HDAC9: variants seen among roughly 807,000 people sequenced by gnomAD.
HDAC9 encodes MEF-2 interacting transcription repressor (MITR) protein.
HDAC9 carries 41 observed loss-of-function variants against 139.4 expected under a neutral mutation model. The ratio of observed to expected loss-of-function variants is 0.29; its 90% CI spans 0.23 to 0.38. The LOEUF is 0.38. Among genes scored for constraint, HDAC9 ranks in the 10% least tolerant of loss-of-function variants. HDAC9 has a pLI of 1.00. For synonymous variants in HDAC9, 517 were observed against 476.2 expected, an observed-to-expected ratio of 1.09 and a Z score of -1.12; for missense variants, 1,147 against 1,297.0, an observed-to-expected ratio of 0.88 and a Z score of 1.78.
intron 1 of HDAC9, among the ~76,000 whole-genome samples, chr7:18,303,272 T>C (rs1380720428): frequency 1.3e-5 from 2 of 151,944 alleles, no homozygotes; most frequent in Non-Finnish European, 2.9e-5. Context: ...GGCAGGAGTT[T>C]AGTGGCGCGA....
At chr7:18,419,190 GA>G in intron 1 of HDAC9, among the ~76,000 whole-genome samples, 1 of 152,162 alleles carries the variant, frequency 6.6e-6, no homozygotes, top group Non-Finnish European at 1.5e-5. Flanking sequence ...AAGGAAACAG[GA>G]ATTGATTTGG....
At chr7:18,696,712 C>T (rs1184427725) in intron 12 of HDAC9, among the ~76,000 whole-genome samples, 2 of 152,124 alleles carry the variant, frequency 1.3e-5, no homozygotes, top group African/African-American at 4.8e-5. Flanking sequence ...TTGTGATCAG[C>T]CCACCTCGGC....
chr7:18,499,080 ATG>A (rs55670527), intron 2 of HDAC9, among the ~76,000 whole-genome samples: 135,939 of 150,118 alleles, frequency 0.91, 61,506 homozygotes, highest in East Asian at 0.99. Context: ...TAGGGTGTGT[ATG>A]TGTGTGTGTG....
intron 1 of HDAC9, among the ~76,000 whole-genome samples, chr7:18,107,601 T>G (rs1163208416): frequency 6.6e-6 from 1 of 152,124 alleles, no homozygotes; most frequent in African/African-American, 2.4e-5. Context: ...AAAAGTGAGA[T>G]TTAAAACTTT....
At chr7:18,787,267 G>C (rs1017595327) in intron 16 of HDAC9, among the ~76,000 whole-genome samples, 1 of 152,078 alleles carries the variant, frequency 6.6e-6, no homozygotes, top group Admixed American at 6.6e-5. Context: ...CTAAAGTGGG[G>C]TTCTACTCAA....
chr7:18,596,060 ATAG>A (rs1340751217), intron 6 of HDAC9, among the ~76,000 whole-genome samples: 1 of 152,076 alleles, frequency 6.6e-6, no homozygotes, highest in African/African-American at 2.4e-5. Context: ...CTATATAATA[ATAG>A]TGAAAAATCC....
intron 1 of HDAC9, among the ~76,000 whole-genome samples, chr7:18,321,471 G>T (rs1330893714): frequency 2.0e-5 from 3 of 152,146 alleles, no homozygotes; most frequent in Non-Finnish European, 4.4e-5. Context: ...ATGCCTTTAT[G>T]TTGCTGAAGA....
At chr7:18,433,518 C>CTA (rs1790878330) in intron 1 of HDAC9, among the ~76,000 whole-genome samples, 1 of 152,166 alleles carries the variant, frequency 6.6e-6, no homozygotes. Flanking sequence ...TGCTCAAAAG[C>CTA]TATAGTCTCT....
At chr7:18,745,162 A>G (rs1787824916) in intron 13 of HDAC9, among the ~76,000 whole-genome samples, 1 of 152,176 alleles carries the variant, frequency 6.6e-6, no homozygotes, top group Non-Finnish European at 1.5e-5. Flanking sequence ...CCAAAGAGAG[A>G]GAATGAAAGA....
At position 18,874,878 on chromosome 7, in the gene HDAC9, G is replaced by A. The variant is rs534825793; in HGVS notation, c.2803+282G>A. Reference sequence around the variant, plus strand: ...TTACATTTAAAGGCAGAAATGATAGGGCTTCTGTTTAAAATATGCTGCATG... The same window carrying A: ...TTACATTTAAAGGCAGAAATGATAGAGCTTCTGTTTAAAATATGCTGCATG... On this transcript the variant is annotated intron_variant, in intron 22 of 25. Coordinates refer to ENST00000686413, the MANE Select transcript of HDAC9 (RefSeq NM_178425.4). Among the ~76,000 whole-genome samples, 8 of 152,210 alleles carry A rather than the reference G, an allele frequency of 5.3e-5. No individual in the cohort carries two copies. The South Asian group carries it at 1.7e-3, about 32-fold the overall frequency.
At chr7:18,314,294 A>G (rs915996367) in intron 1 of HDAC9, among the ~76,000 whole-genome samples, 1 of 152,212 alleles carries the variant, frequency 6.6e-6, no homozygotes, top group African/African-American at 2.4e-5. Context: ...TCCCATTTGC[A>G]GAGGATCTGC....
At chr7:18,268,168 G>A (rs1213619726) in intron 2 of HDAC9, among the ~76,000 whole-genome samples, 1 of 152,076 alleles carries the variant, frequency 6.6e-6, no homozygotes, top group African/African-American at 2.4e-5. Context: ...AGAAATCAAA[G>A]AGAAATGTAG....
At chr7:18,637,636 A>G (rs1314382828) in intron 8 of HDAC9, among the ~76,000 whole-genome samples, 2 of 152,236 alleles carry the variant, frequency 1.3e-5, no homozygotes, top group Middle Eastern at 3.4e-3. Context: ...GTTCAAAAGC[A>G]AGCAGTGACT....
chr7:18,432,172 C>T (rs1790738502), intron 1 of HDAC9, among the ~76,000 whole-genome samples: 2 of 152,218 alleles, frequency 1.3e-5, no homozygotes, highest in African/African-American at 4.8e-5. Flanking sequence ...ATCCACCTAT[C>T]CATCTATCCA....
intron 1 of HDAC9, among the ~76,000 whole-genome samples, chr7:18,478,313 C>T (rs1324711653): frequency 2.0e-5 from 3 of 152,120 alleles, no homozygotes; most frequent in Non-Finnish European, 4.4e-5. Context: ...CCTCGGGATC[C>T]GCCTGCCTCG....
intron 2 of HDAC9, among the ~76,000 whole-genome samples, chr7:18,563,661 TG>T (rs1265899480): frequency 6.6e-6 from 1 of 152,174 alleles, no homozygotes; most frequent in African/African-American, 2.4e-5. Context: ...CATCAGTATT[TG>T]CCCATATCAT....
chr7:18,842,422 A>AATC (rs1296148827), intron 21 of HDAC9, among the ~76,000 whole-genome samples: 1 of 152,132 alleles, frequency 6.6e-6, no homozygotes, highest in Non-Finnish European at 1.5e-5. Flanking sequence ...TGAACTTGTC[A>AATC]ATCAATCTTA....
Position 18,870,876 on chromosome 7 carries a change from C to G in HDAC9, c.2685-3602C>G, listed in dbSNP as rs562749595. Among the ~76,000 whole-genome samples the G allele has an allele frequency of 9.9e-5, 15 of 152,198 alleles. No homozygotes were observed. The South Asian group carries it at 3.1e-3, about 32-fold the overall frequency. ...AGAGATGGGGTCTCTCTGTGTTACC[C>G]AGGGTGGAACCCCTAGGCTCAAGCA... On this transcript the variant is annotated intron_variant, in intron 21 of 25. Coordinates refer to ENST00000686413, the MANE Select transcript of HDAC9 (RefSeq NM_178425.4).
chr7:18,528,917 G>A (rs3757719), intron 2 of HDAC9, among the ~76,000 whole-genome samples: 2 of 152,194 alleles, frequency 1.3e-5, no homozygotes, highest in East Asian at 3.9e-4. Flanking sequence ...AACCACATAA[G>A]TAAAAAACAT....
Sources: gnomAD v4.1 joint callset for allele counts (sites outside exome capture counted in the v4.1 genomes callset) on GRCh38, gnomAD v4.1.1 for gene constraint, MANE v1.5 for transcripts, NCBI Gene and HGNC (gene_info 2026-07-23, HGNC 2026-07-21) for gene names.